The following EFHB variants were observed in gnomAD, a reference collection of about 807,000 sequenced individuals.
EFHB encodes the protein EF-hand domain-containing family member B.
Under a neutral mutation model 87.2 loss-of-function variants are expected in EFHB, and 91 were observed. The observed-to-expected ratio is 1.04, with a 90% CI of 0.88 to 1.24. The LOEUF (loss-of-function observed/expected upper bound fraction) is 1.24, where lower values mean the gene tolerates loss of function less well. EFHB is among the 50% of genes most tolerant of loss of function. The pLI is 0.00. For synonymous variants in EFHB, 325 were observed against 333.6 expected (o/e 0.97, Z 0.28); for missense variants, 1,084 against 998.8 (o/e 1.09, Z -1.15).
intron 2 of EFHB, 110 bp downstream of exon 2, chr3:19,920,395 T>C (rs1695395769): frequency 3.4e-6 from 3 of 880,430 alleles, no homozygotes. Flanking sequence ...GAATCCAAAT[T>C]GACCACATTA....
chr3:19,936,643 G>A (rs1696028765), upstream of EFHB, among the ~76,000 whole-genome samples: 1 of 152,014 alleles, frequency 6.6e-6, no homozygotes, highest in African/African-American at 2.4e-5. Flanking sequence ...CTAGGCGGGT[G>A]GATCATTTGA....
chr3:19,887,566 T>C (rs1211466852), intron 10 of EFHB, among the ~76,000 whole-genome samples: 3 of 152,098 alleles, frequency 2.0e-5, no homozygotes, highest in Non-Finnish European at 4.4e-5. Context: ...TATCCAACCA[T>C]TTGGCTTCCC....
At chr3:19,908,654 A>AAGAAAG (rs1185730604) in intron 5 of EFHB, among the ~76,000 whole-genome samples, 4 of 148,816 alleles carry the variant, frequency 2.7e-5, no homozygotes, top group African/African-American at 1.0e-4. Context: ...GAAAGAAAGA[A>AAGAAAG]AAAGAAAGTT....
chr3:19,940,574 A>C, intron 1 of EFHB: 1 of 497,010 alleles, frequency 2.0e-6, no homozygotes, highest in South Asian at 1.4e-5. Context: ...GAATTCTTTG[A>C]TGACACCTGT....
At chr3:19,935,346 T>C (rs907778650), upstream of EFHB, among the ~76,000 whole-genome samples, 1 of 152,234 alleles carries the variant, frequency 6.6e-6, no homozygotes, top group African/African-American at 2.4e-5. Context: ...TTTCAGATTT[T>C]AATGAAAGTA....
At chr3:19,915,123 C>T (rs1025449027) in intron 5 of EFHB, among the ~76,000 whole-genome samples, 180 bp downstream of exon 5, 4 of 151,974 alleles carry the variant, frequency 2.6e-5, no homozygotes, top group Admixed American at 2.0e-4. Flanking sequence ...TTTTAAAAAC[C>T]GTAAGTATAT....
intron 8 of EFHB, among the ~76,000 whole-genome samples, chr3:19,897,618 C>T (rs751250174): frequency 2.0e-5 from 3 of 152,130 alleles, no homozygotes; most frequent in African/African-American, 4.8e-5. Flanking sequence ...ATGTGCTGGA[C>T]CCTGAGGATC....
chr3:19,942,634 T>C (rs908595895), intron 1 of EFHB, among the ~76,000 whole-genome samples: 3 of 152,178 alleles, frequency 2.0e-5, no homozygotes, highest in African/African-American at 7.2e-5. Context: ...GTACAATCAG[T>C]AGGAGCCCTG....
chr3:19,897,873 T>A (rs1358583906), intron 8 of EFHB, among the ~76,000 whole-genome samples: 1 of 152,246 alleles, frequency 6.6e-6, no homozygotes, highest in Non-Finnish European at 1.5e-5. Flanking sequence ...AACCACTGTC[T>A]TGCATAAGCT....
At chr3:19,915,227 C>T in intron 5 of EFHB, 76 bp downstream of exon 5, 1 of 866,430 alleles carries the variant, frequency 1.2e-6, no homozygotes, top group Non-Finnish European at 1.8e-6. Context: ...ACTTTATGTA[C>T]CAATTTCCTT....
chr3:19,890,283 G>A lies in EFHB; in HGVS notation c.1726-1632C>T, dbSNP rs1009130617. Among the ~76,000 whole-genome samples, 5 of 152,206 alleles carry A rather than the reference G, an allele frequency of 3.3e-5. No individual in the cohort carries two copies. In the East Asian group the frequency reaches 7.7e-4, roughly 23 times the overall value. On this transcript the variant is annotated intron_variant, in intron 9 of 12. Coordinates refer to ENST00000295824, the MANE Select transcript of EFHB (RefSeq NM_144715.4). ...CACCCTTAATCCCTCCCTCCCCCAAGCCCTGATCTCATCCGCTTTAGGGAG... is the reference window on the plus strand; with the variant it reads ...CACCCTTAATCCCTCCCTCCCCCAAACCCTGATCTCATCCGCTTTAGGGAG...
intron 3 of EFHB, among the ~76,000 whole-genome samples, chr3:19,919,364 CTTTT>C (rs752615220): frequency 7.3e-6 from 1 of 137,246 alleles, no homozygotes; most frequent in Non-Finnish European, 1.6e-5. Context: ...GCCCCAGCTG[CTTTT>C]TTTTTTTTTT....
At chr3:19,898,740 T>G (rs773900007) in intron 8 of EFHB, 38 bp downstream of exon 8, 16 of 1,599,608 alleles carry the variant, frequency 1.0e-5, no homozygotes, top group Non-Finnish European at 1.4e-5. Flanking sequence ...TGTTGCTGTT[T>G]GTTTGGGGTT....
In EFHB at chr3:19,888,626, T is replaced by C. The variant is rs758886256; in HGVS notation, c.1751A>G (p.Asp584Gly). 4.8e-5 allele frequency: 77 copies of C among 1,606,232 alleles called. No individual in the cohort carries two copies. The highest frequency in any genetic ancestry group is 6.3e-5 in the Non-Finnish European group (74 of 1,175,910). Residue 584 changes from aspartate (D) to glycine (G), a missense_variant, in exon 10 of 13, where the codon GAC (aspartate) becomes GGC (glycine). Asp to Gly is a moderately conservative substitution (Grantham distance 94, BLOSUM62 -1). Transcript: ENST00000295824. Reference protein sequence around the residue: ...DKKGDGMIDKDELQEACDQAN... With the variant: ...DKKGDGMIDKGELQEACDQAN... ...CTGGTCACAAGCTTCCTGCAGCTCG[T>C]CTTTATCTATCATCCCATCTCCCTT... is the stretch of plus-strand genomic sequence containing the variant.
chr3:19,900,047 T>A (rs577408685), intron 6 of EFHB, among the ~76,000 whole-genome samples: 5 of 152,284 alleles, frequency 3.3e-5, no homozygotes, highest in African/African-American at 1.2e-4. Flanking sequence ...TACTCCAGCC[T>A]GGGTGACAGA....
intron 6 of EFHB, 84 bp downstream of exon 6, chr3:19,905,536 T>C: frequency 6.9e-7 from 1 of 1,439,542 alleles, no homozygotes; most frequent in Non-Finnish European, 9.5e-7. Flanking sequence ...TATTACCTCT[T>C]CAAAAAATAA....
intron 4 of EFHB, among the ~76,000 whole-genome samples, chr3:19,916,899 C>T (rs1028249661): frequency 6.6e-6 from 1 of 152,010 alleles, no homozygotes; most frequent in African/African-American, 2.4e-5. Flanking sequence ...TAAAGCAGAA[C>T]TTCTTTTTGA....
chr3:19,925,620 A>G (rs922993704), intron 1 of EFHB, among the ~76,000 whole-genome samples: 1 of 152,080 alleles, frequency 6.6e-6, no homozygotes, highest in South Asian at 2.1e-4. Context: ...TCGGTCCCTA[A>G]CAACACCGGA....
chr3:19,939,438 G>A (rs1436973635), intron 1 of EFHB, among the ~76,000 whole-genome samples: 1 of 134,720 alleles, frequency 7.4e-6, no homozygotes, highest in South Asian at 2.3e-4. Context: ...AGGCTGGAGT[G>A]CAGTGGCGCG....
Sources: allele counts gnomAD v4.1 joint callset (sites outside exome capture counted in the v4.1 genomes callset), GRCh38; gene constraint gnomAD v4.1.1; transcripts MANE v1.5; gene names NCBI Gene and HGNC (gene_info 2026-07-23, HGNC 2026-07-21).